The following UGGT1 variants were observed in gnomAD, a reference collection of about 807,000 sequenced individuals.
UGGT1 encodes UDP-glucose:glycoprotein glucosyltransferase 1.
In UGGT1, 107 loss-of-function variants were observed where a neutral mutation model predicts 203.9. The observed-to-expected ratio is 0.52, with a 90% CI of 0.45 to 0.62. The LOEUF (loss-of-function observed/expected upper bound fraction) is 0.62. Among genes scored for constraint, UGGT1 ranks in the 20% least tolerant of loss-of-function variants. The pLI, the probability that UGGT1 is intolerant of heterozygous loss-of-function variation, is 0.00. For synonymous variants in UGGT1, 628 were observed against 653.5 expected, an observed-to-expected ratio of 0.96 and a Z score of 0.59; for missense variants, 1,673 against 1,867.2, an observed-to-expected ratio of 0.90 and a Z score of 1.92.
chr2:128,176,575 C>T (rs149680830), intron 31 of UGGT1, among the ~76,000 whole-genome samples: 20 of 152,264 alleles, frequency 1.3e-4, no homozygotes, highest in Admixed American at 1.3e-3. Context: ...ATGGGTGCCT[C>T]TCACTACGTG....
intron 29 of UGGT1, among the ~76,000 whole-genome samples, chr2:128,173,430 C>A (rs774542184): frequency 6.6e-6 from 1 of 152,020 alleles, no homozygotes; most frequent in Non-Finnish European, 1.5e-5. Context: ...TATCCTCGTT[C>A]GTATTTTTAG....
chr2:128,127,592 A>G (rs1165357565), intron 12 of UGGT1, 140 bp downstream of exon 12: 2 of 632,610 alleles, frequency 3.2e-6, no homozygotes, highest in Non-Finnish European at 5.6e-6. Flanking sequence ...GGACGTAGGT[A>G]GTAGGCACAT....
intron 9 of UGGT1, among the ~76,000 whole-genome samples, chr2:128,120,679 T>C (rs1688335777): frequency 6.6e-6 from 1 of 152,222 alleles, no homozygotes; most frequent in South Asian, 2.1e-4. Context: ...ATGGCAAGTC[T>C]TTCTGTGTGA....
At chr2:128,117,957 ATT>A (rs1323861249) in intron 8 of UGGT1, among the ~76,000 whole-genome samples, 3 of 115,804 alleles carry the variant, frequency 2.6e-5, no homozygotes, top group East Asian at 2.2e-4. Context: ...TTATTAGGAC[ATT>A]TTGTGTGTGT....
chr2:128,166,488 A>G (rs1690795251), intron 26 of UGGT1, among the ~76,000 whole-genome samples: 1 of 152,196 alleles, frequency 6.6e-6, no homozygotes, highest in African/African-American at 2.4e-5. Context: ...TTCTGTTCAC[A>G]TGACTCCAGT....
intron 31 of UGGT1, 86 bp downstream of exon 31, chr2:128,174,944 C>G: frequency 8.7e-7 from 1 of 1,147,940 alleles, no homozygotes; most frequent in Non-Finnish European, 1.2e-6. Context: ...GGCAGTTAGC[C>G]AGGCAACATG....
chr2:128,195,657 C>T lies in UGGT1; in HGVS notation c.*5915C>T, dbSNP rs531326508. The T allele has an allele frequency of 3.3e-5, 5 of 152,288 alleles. No homozygotes were observed. The highest frequency in any genetic ancestry group is 3.9e-4 in the East Asian group (2 of 5,180). 9.4% of individuals were successfully genotyped at this position (152,288 alleles called of 1,614,324 possible). ...AATAAGGTCTGCTCAACACAGTAAACGTTTCCTCTCTTCTTTAAAACTGCG... is the reference window on the plus strand; with the variant it reads ...AATAAGGTCTGCTCAACACAGTAAATGTTTCCTCTCTTCTTTAAAACTGCG... On this transcript the variant is annotated 3_prime_UTR_variant, in exon 41 of 41. Transcript: ENST00000259253.
At chr2:128,186,831 C>A in intron 39 of UGGT1, 32 bp downstream of exon 39, 2 of 1,489,140 alleles carry the variant, frequency 1.3e-6, no homozygotes, top group South Asian at 2.4e-5. Flanking sequence ...TCTGCATGTT[C>A]ATCCACTGGA....
At chr2:128,159,791 G>A (rs182805180) in intron 23 of UGGT1, 71 bp downstream of exon 23, 18 of 1,465,474 alleles carry the variant, frequency 1.2e-5, no homozygotes, top group African/African-American at 8.4e-5. Context: ...TGCAGCTTAC[G>A]TGTCCGGTTC....
intron 10 of UGGT1, 50 bp downstream of exon 10, chr2:128,121,348 A>T (rs1688371135): frequency 1.5e-6 from 2 of 1,312,124 alleles, no homozygotes; most frequent in Non-Finnish European, 2.1e-6. Context: ...AGTCATCGTC[A>T]TGTTCACTTG....
intron 2 of UGGT1, among the ~76,000 whole-genome samples, chr2:128,098,418 G>A (rs1687211193): frequency 6.6e-6 from 1 of 152,236 alleles, no homozygotes; most frequent in Non-Finnish European, 1.5e-5. Context: ...CTGAGCATCA[G>A]ATTAGGAGAT....
chr2:128,171,947 G>T (rs1046651629), intron 28 of UGGT1, among the ~76,000 whole-genome samples: 1 of 152,216 alleles, frequency 6.6e-6, no homozygotes, highest in Admixed American at 6.5e-5. Flanking sequence ...AGCAGTTAGC[G>T]TTGTGGCTAT....
At chr2:128,150,175 G>A (rs932459188) in intron 18 of UGGT1, among the ~76,000 whole-genome samples, 1 of 152,086 alleles carries the variant, frequency 6.6e-6, no homozygotes, top group South Asian at 2.1e-4. Context: ...GGTGGCTGAC[G>A]CCTGTAATAC....
intron 36 of UGGT1, 56 bp downstream of exon 36, chr2:128,181,128 CT>C: frequency 6.7e-7 from 1 of 1,500,580 alleles, no homozygotes; most frequent in South Asian, 1.2e-5. Flanking sequence ...CAAATTGCTT[CT>C]TTTTAAATGC....
At chr2:128,131,650 T>C (rs1262299339) in intron 13 of UGGT1, among the ~76,000 whole-genome samples, 2 of 152,062 alleles carry the variant, frequency 1.3e-5, no homozygotes, top group Non-Finnish European at 1.5e-5. Flanking sequence ...TTGTGTTGCA[T>C]TGCAGTCTCG....
chr2:128,179,768 C>A lies in UGGT1; in HGVS notation c.3816-18C>A. The A allele has an allele frequency of 6.3e-7, 1 of 1,598,902 alleles. No homozygotes were observed. The highest frequency in any genetic ancestry group is 8.5e-7 in the Non-Finnish European group (1 of 1,170,032). ...AACATTGGAAAGCTGTTATTAATTA[C>A]CTGCTTTTGTTTGGCAGCATAATGA... is the stretch of plus-strand genomic sequence containing the variant. On this transcript the variant is annotated intron_variant, in intron 34 of 40. Transcript: ENST00000259253.
At chr2:128,120,489 T>G (rs1688325601) in intron 9 of UGGT1, 33 bp downstream of exon 9, 2 of 1,574,586 alleles carry the variant, frequency 1.3e-6, no homozygotes, top group Non-Finnish European at 1.7e-6. Flanking sequence ...ATTGGCCTAC[T>G]TTTTGGCTAA....
chr2:128,143,411 T>C (rs1326828466), intron 17 of UGGT1, among the ~76,000 whole-genome samples, 186 bp downstream of exon 17: 3 of 152,250 alleles, frequency 2.0e-5, no homozygotes, highest in Non-Finnish European at 4.4e-5. Context: ...TGTGAAGATA[T>C]GACTGATTTT....
At chr2:128,123,618 GT>G (rs1371251879) in intron 11 of UGGT1, among the ~76,000 whole-genome samples, 2 of 152,126 alleles carry the variant, frequency 1.3e-5, no homozygotes, top group Admixed American at 1.3e-4. Flanking sequence ...AAACAGTGTG[GT>G]TTAACTTTCT....
Sources: allele counts gnomAD v4.1 joint callset (sites outside exome capture counted in the v4.1 genomes callset), GRCh38; gene constraint gnomAD v4.1.1; transcripts MANE v1.5; gene names NCBI Gene and HGNC (gene_info 2026-07-23, HGNC 2026-07-21).